HEPH: variants seen among roughly 807,000 people sequenced by gnomAD.
The protein encoded by HEPH is hephaestin.
HEPH carries 69 observed loss-of-function variants against 80.8 expected under a neutral mutation model. The observed-to-expected ratio is 0.85, with a 90% CI of 0.70 to 1.04. HEPH has a LOEUF of 1.04. Among genes scored for constraint, HEPH ranks in the 50% least tolerant of loss-of-function variants. The pLI, the probability that HEPH is intolerant of heterozygous loss-of-function variation, is 0.00. For synonymous variants in HEPH, 431 were observed against 322.8 expected (o/e 1.34, Z -3.60); for missense variants, 1,115 against 891.3 (o/e 1.25, Z -3.20).
intron 20 of HEPH, among the ~76,000 whole-genome samples, chrX:66,263,908 G>A (rs2091445715): frequency 9.0e-6 from 1 of 110,974 alleles, no homozygotes; most frequent in Admixed American, 9.7e-5. Flanking sequence ...AACCTCCTGA[G>A]TTGGGGAAAA....
At position 66,172,345 on chromosome X, in the gene HEPH, T is replaced by G; in HGVS notation, c.168-10T>G. On this transcript the variant is annotated splice_polypyrimidine_tract_variant and intron_variant, in intron 2 of 20. Coordinates refer to ENST00000343002, the MANE Select transcript of HEPH (RefSeq NM_001367233.3). ...GGGGCAAAATTATGACTCTTTTTCT[T>G]CTTTCCCAGAGTGGCTTCCAGCTTC... is the stretch of plus-strand genomic sequence containing the variant. The G allele has an allele frequency of 8.5e-7, 1 of 1,177,937 alleles. No homozygotes were observed. The highest frequency in any genetic ancestry group is 1.1e-6 in the Non-Finnish European group (1 of 877,576).
intron 15 of HEPH, among the ~76,000 whole-genome samples, chrX:66,224,398 G>T (rs772689681): frequency 9.1e-6 from 1 of 110,350 alleles, no homozygotes; most frequent in South Asian, 3.9e-4. Context: ...CCTAGGTCTG[G>T]TTGGAACTTT....
chrX:66,264,001 A>C (rs1466013961), intron 20 of HEPH, among the ~76,000 whole-genome samples: 1 of 110,817 alleles, frequency 9.0e-6, no homozygotes, highest in Non-Finnish European at 1.9e-5. Context: ...ATACTAGTCG[A>C]AAACCAAATA....
At chrX:66,247,491 A>G (rs2090856643) in intron 15 of HEPH, among the ~76,000 whole-genome samples, 1 of 109,609 alleles carries the variant, frequency 9.1e-6, no homozygotes, top group South Asian at 3.9e-4. Context: ...CTCCTTTTCT[A>G]TTCCAGAATT....
rs746943432 is a variant in HEPH, at chrX:66,192,124, CT to C, written c.1064-4del. 1 of 1,200,080 alleles carries C rather than the reference CT, an allele frequency of 8.3e-7. No individual in the cohort carries two copies. Among genetic ancestry groups the C allele is most frequent in the African/African-American group, 1.8e-5 (1 of 56,804 alleles). ...AATGGGGTCAGCCATAATGTTCTTC[CT>C]TCAGATGGCATGCAGGCACTCTACA... On this transcript the variant is annotated splice_region_variant and splice_polypyrimidine_tract_variant and intron_variant, in intron 6 of 20. Transcript: ENST00000343002.
At chrX:66,180,953 T>G (rs1449470632) in intron 4 of HEPH, among the ~76,000 whole-genome samples, 1 of 101,112 alleles carries the variant, frequency 9.9e-6, no homozygotes, top group East Asian at 3.2e-4. Context: ...CGGTATTTGG[T>G]TTTTTTGTTC....
At chrX:66,268,433 T>G (rs2091585103), downstream of HEPH, 1 of 111,828 alleles carries the variant, frequency 8.9e-6, no homozygotes, top group Non-Finnish European at 1.9e-5. Context: ...AGAAATAAAG[T>G]GTGGGTGGAA....
rs2089118248 is a variant in HEPH, at chrX:66,211,529, C to T, written c.2563+3283C>T. 2.7e-5 allele frequency among the ~76,000 whole-genome samples: 3 copies of T among 111,404 alleles called. No homozygotes were observed. The South Asian group carries it at 1.1e-3, about 42-fold the overall frequency. On this transcript the variant is annotated intron_variant, in intron 15 of 20. Coordinates refer to ENST00000343002, the MANE Select transcript of HEPH (RefSeq NM_001367233.3). ...TTCCCAGTCTCTGTTATCTACCTTT[C>T]CACTCTTCACTTCCATATGATCAAA... is the stretch of plus-strand genomic sequence containing the variant.
chrX:66,235,694 C>A (rs1318381394), intron 15 of HEPH, among the ~76,000 whole-genome samples: 1 of 111,490 alleles, frequency 9.0e-6, no homozygotes, highest in Non-Finnish European at 1.9e-5. Context: ...CTTTTTGGTT[C>A]CACATGAATT....
intron 15 of HEPH, among the ~76,000 whole-genome samples, chrX:66,236,796 G>C (rs2090377314): frequency 1.8e-5 from 2 of 110,843 alleles, no homozygotes; most frequent in African/African-American, 3.3e-5. Context: ...TCAACTTCAG[G>C]GCTTTTTATT....
intron 4 of HEPH, among the ~76,000 whole-genome samples, chrX:66,181,880 G>A (rs1225013092): frequency 9.5e-6 from 1 of 105,522 alleles, no homozygotes. Flanking sequence ...TTTTGTATAA[G>A]GTGTAAGGAA....
intron 4 of HEPH, among the ~76,000 whole-genome samples, chrX:66,180,509 A>T (rs1382855912): frequency 9.1e-6 from 1 of 110,036 alleles, no homozygotes; most frequent in African/African-American, 3.3e-5. Flanking sequence ...TTTATAGGTG[A>T]CCTGGTGTTT....
chrX:66,188,295 C>A (rs2087591618), intron 4 of HEPH, 64 bp from the exon 5 acceptor site: 1 of 826,282 alleles, frequency 1.2e-6, no homozygotes, highest in African/African-American at 2.1e-5. Flanking sequence ...TTATGAGTAC[C>A]CCTTTCAGCT....
At chrX:66,186,779 G>A (rs777014358) in intron 4 of HEPH, among the ~76,000 whole-genome samples, 2 of 112,286 alleles carry the variant, frequency 1.8e-5, no homozygotes, top group East Asian at 2.8e-4. Flanking sequence ...CCTCTATCAA[G>A]GCCAGGGAAG....
intron 12 of HEPH, 57 bp from the exon 13 acceptor site, chrX:66,203,307 C>T: frequency 9.4e-7 from 1 of 1,065,109 alleles, no homozygotes; most frequent in Non-Finnish European, 1.3e-6. Context: ...CAGGAAATCC[C>T]CCAGGCACTA....
chrX:66,166,113 C>A (rs1366155838), intron 1 of HEPH, among the ~76,000 whole-genome samples: 1 of 111,799 alleles, frequency 8.9e-6, no homozygotes, highest in Non-Finnish European at 1.9e-5. Flanking sequence ...AATGATGAAT[C>A]CAGAGCTAGA....
At position 66,203,330 on chromosome X, in the gene HEPH, C is replaced by T. The variant is rs1007814214; in HGVS notation, c.2078-34C>T. The T allele has an allele frequency of 3.4e-6, 4 of 1,171,709 alleles. No individual in the cohort carries two copies. In the Admixed American group the frequency reaches 8.8e-5, roughly 26 times the overall value. On this transcript the variant is annotated intron_variant, in intron 12 of 20. Coordinates refer to ENST00000343002, the MANE Select transcript of HEPH (RefSeq NM_001367233.3). Reference sequence around the variant, plus strand: ...CCCCCAGGCACTACCCAGGGATGTTCTGAGTCAGATTTTTCTCTCTGATCC... The same window carrying T: ...CCCCCAGGCACTACCCAGGGATGTTTTGAGTCAGATTTTTCTCTCTGATCC...
At chrX:66,198,654 A>C (rs1378798288) in intron 10 of HEPH, among the ~76,000 whole-genome samples, 1 of 110,611 alleles carries the variant, frequency 9.0e-6, no homozygotes, top group Admixed American at 9.6e-5. Flanking sequence ...ACTTTCATAC[A>C]GTCTTCCCTG....
intron 4 of HEPH, among the ~76,000 whole-genome samples, chrX:66,186,734 G>A (rs928455482): frequency 3.6e-5 from 4 of 111,889 alleles, no homozygotes; most frequent in South Asian, 3.7e-4. Context: ...CCTCCCCCAG[G>A]TGTTCTTTGT....
Sources: gnomAD v4.1 joint callset for allele counts (sites outside exome capture counted in the v4.1 genomes callset) on GRCh38, gnomAD v4.1.1 for gene constraint, MANE v1.5 for transcripts, NCBI Gene and HGNC (gene_info 2026-07-23, HGNC 2026-07-21) for gene names.